SUSD4: variants seen among roughly 807,000 people sequenced by gnomAD.
SUSD4 encodes sushi domain containing 4, also known as sushi domain-containing protein 4.
In SUSD4, 41 loss-of-function variants were observed where a neutral mutation model predicts 50.5. The observed-to-expected ratio is 0.81, with a 90% CI of 0.63 to 1.05. The LOEUF is 1.05. Among genes scored for constraint, SUSD4 ranks in the 50% least tolerant of loss-of-function variants. The probability of loss-of-function intolerance (pLI) is 0.00; values close to 1 mark genes in which losing one functional copy is unlikely to be tolerated. For synonymous variants in SUSD4, 257 were observed against 257.3 expected (o/e 1.00, Z 0.01); for missense variants, 580 against 634.7 (o/e 0.91, Z 0.93).
In SUSD4 at chr1:223,231,379, G is replaced by A. The variant is rs1659888857; in HGVS notation, c.725-1991C>T. ...CAGGCCCAGGTGTGCTCAGTAAATGGTGGCTGTCAGGTGGCTGCTGTGAGC... is the reference window on the plus strand; with the variant it reads ...CAGGCCCAGGTGTGCTCAGTAAATGATGGCTGTCAGGTGGCTGCTGTGAGC... On this transcript the variant is annotated intron_variant, in intron 5 of 8. Coordinates refer to ENST00000366878, the MANE Select transcript of SUSD4 (RefSeq NM_017982.4). The surrounding 1 kb of genome is among the most constrained non-coding windows in gnomAD (Gnocchi z 4.2). 6.6e-6 allele frequency among the ~76,000 whole-genome samples: 1 copy of A among 152,158 alleles called. No individual in the cohort carries two copies. Among genetic ancestry groups the A allele is most frequent in the Non-Finnish European group, 1.5e-5 (1 of 68,026 alleles).
intron 5 of SUSD4, among the ~76,000 whole-genome samples, chr1:223,241,560 C>A (rs1207887080): frequency 6.6e-6 from 1 of 152,196 alleles, no homozygotes; most frequent in Non-Finnish European, 1.5e-5. Context: ...TCTTATGGAT[C>A]CCTGAAGAGT....
intron 5 of SUSD4, among the ~76,000 whole-genome samples, chr1:223,230,323 C>T (rs1430436457): frequency 6.6e-6 from 1 of 151,514 alleles, no homozygotes; most frequent in East Asian, 1.9e-4. Context: ...AAGAAACAGT[C>T]AAACCACAGA....
chr1:223,333,145 G>A (rs904999631), intron 2 of SUSD4, among the ~76,000 whole-genome samples: 4 of 151,838 alleles, frequency 2.6e-5, no homozygotes, highest in Non-Finnish European at 1.5e-5. Context: ...CCCCCGTTAC[G>A]GTGACGGCAA....
intron 2 of SUSD4, among the ~76,000 whole-genome samples, chr1:223,299,987 C>T (rs1192578227): frequency 6.6e-6 from 1 of 152,160 alleles, no homozygotes; most frequent in Non-Finnish European, 1.5e-5. Context: ...ATACAGTCTT[C>T]CTAAAAATAC....
intron 2 of SUSD4, among the ~76,000 whole-genome samples, chr1:223,358,366 T>C (rs1423435150): frequency 6.6e-6 from 1 of 152,062 alleles, no homozygotes; most frequent in Admixed American, 6.6e-5. Context: ...AGGAACTGAG[T>C]CAAGGGGAAG....
At chr1:223,311,054 T>C (rs1665844019) in intron 2 of SUSD4, among the ~76,000 whole-genome samples, 1 of 152,224 alleles carries the variant, frequency 6.6e-6, no homozygotes, top group South Asian at 2.1e-4. Context: ...GTGTGCTTTA[T>C]AGCTCTCCTC....
intron 3 of SUSD4, among the ~76,000 whole-genome samples, chr1:223,287,245 T>C (rs1664206623): frequency 6.6e-6 from 1 of 152,158 alleles, no homozygotes; most frequent in Non-Finnish European, 1.5e-5. Flanking sequence ...CCTGACTAAT[T>C]TTTGTATTTT....
chr1:223,323,712 C>A (rs1403244114), intron 2 of SUSD4, among the ~76,000 whole-genome samples: 2 of 152,082 alleles, frequency 1.3e-5, no homozygotes, highest in African/African-American at 2.4e-5. Context: ...TGAACTCCAG[C>A]CCTGAATGCC....
rs113269602 is a variant in SUSD4, at chr1:223,223,158, G to C, written c.1444+91C>G. The C allele has an allele frequency of 2.8e-5, 42 of 1,480,684 alleles. No homozygotes were observed. The African/African-American group carries it at 3.5e-4, about 12-fold the overall frequency. 91.7% of individuals were successfully genotyped at this position (1,480,684 alleles called of 1,614,324 possible). On this transcript the variant is annotated intron_variant, in intron 8 of 8. Transcript: ENST00000366878. Reference sequence around the variant, plus strand: ...ACAGATTGATTCGACTCTGTGCTGGGGGGTGGAGCGTGCGTAGCAAGGAGC... The same window carrying C: ...ACAGATTGATTCGACTCTGTGCTGGCGGGTGGAGCGTGCGTAGCAAGGAGC...
chr1:223,283,544 C>T (rs1663909499), intron 3 of SUSD4, among the ~76,000 whole-genome samples: 1 of 152,160 alleles, frequency 6.6e-6, no homozygotes, highest in Non-Finnish European at 1.5e-5. Context: ...CCATCTCACA[C>T]CAGTTGGAAT....
At chr1:223,293,908 G>A (rs182470013) in intron 2 of SUSD4, among the ~76,000 whole-genome samples, 24 of 152,096 alleles carry the variant, frequency 1.6e-4, no homozygotes, top group Admixed American at 9.8e-4. Context: ...GTTGGGGTGA[G>A]TGAGAGATCT....
At chr1:223,310,987 C>T (rs939987204) in intron 2 of SUSD4, among the ~76,000 whole-genome samples, 3 of 152,194 alleles carry the variant, frequency 2.0e-5, no homozygotes, top group African/African-American at 7.2e-5. Flanking sequence ...AAGTGGCGTT[C>T]ACTCTGAGAT....
intron 4 of SUSD4, among the ~76,000 whole-genome samples, chr1:223,266,633 G>T (rs1355370954): frequency 1.3e-5 from 2 of 152,198 alleles, no homozygotes; most frequent in African/African-American, 4.8e-5. Flanking sequence ...TGTCCTAAAT[G>T]TAACAGTCGA....
intron 2 of SUSD4, among the ~76,000 whole-genome samples, chr1:223,347,229 T>G (rs1668083095): frequency 1.3e-5 from 2 of 152,220 alleles, no homozygotes; most frequent in Non-Finnish European, 2.9e-5. Context: ...TTTAGTTATT[T>G]TGAAATACAC....
chr1:223,311,539 A>T (rs1294190161), intron 2 of SUSD4, among the ~76,000 whole-genome samples: 1 of 152,204 alleles, frequency 6.6e-6, no homozygotes, highest in Non-Finnish European at 1.5e-5. Context: ...ATCCTAATTT[A>T]CGGTTTAAGT....
At chr1:223,279,965 A>C (rs1211968376) in intron 3 of SUSD4, among the ~76,000 whole-genome samples, 1 of 152,186 alleles carries the variant, frequency 6.6e-6, no homozygotes, top group Non-Finnish European at 1.5e-5. Context: ...TTCAACCCGG[A>C]ATTTCATATC....
intron 5 of SUSD4, among the ~76,000 whole-genome samples, chr1:223,236,144 T>C (rs1571851715): frequency 6.6e-6 from 1 of 152,244 alleles, no homozygotes; most frequent in African/African-American, 2.4e-5. Context: ...TTGTTTGCCA[T>C]CTGTATATCT....
chr1:223,364,403 C>A (rs994928609), upstream of SUSD4, among the ~76,000 whole-genome samples: 6 of 147,546 alleles, frequency 4.1e-5, no homozygotes, highest in African/African-American at 1.5e-4. This position sits in a 1 kb window ranked among gnomAD's most constrained non-coding sequence, Gnocchi z 4.5. Context: ...GGTGCGCGGG[C>A]GCGCGAGCAC....
intron 3 of SUSD4, among the ~76,000 whole-genome samples, chr1:223,284,607 C>T (rs1364737470): frequency 8.5e-5 from 13 of 152,146 alleles, no homozygotes; most frequent in African/African-American, 3.1e-4. Flanking sequence ...GAATCAACCT[C>T]GGTATTCAAC....
Sources: gnomAD v4.1 joint callset for allele counts (sites outside exome capture counted in the v4.1 genomes callset) on GRCh38, gnomAD v4.1.1 for gene constraint, Gnocchi (gnomAD v3.1) non-coding constraint, MANE v1.5 for transcripts, NCBI Gene and HGNC (gene_info 2026-07-23, HGNC 2026-07-21) for gene names.